The following AGK variants were observed in gnomAD, a reference collection of about 807,000 sequenced individuals.
AGK encodes the protein acylglycerol kinase.
In AGK, 52 loss-of-function variants were observed where a neutral mutation model predicts 66.4. That is an observed-to-expected ratio of 0.78 (90% CI 0.63 to 0.99). AGK has a LOEUF of 0.99. AGK is among the 50% of genes least tolerant of loss of function. The pLI, the probability that AGK is intolerant of heterozygous loss-of-function variation, is 0.00. For missense variants in AGK, 451 were observed against 506.6 expected, an observed-to-expected ratio of 0.89 and a Z score of 1.05; for synonymous variants, 182 against 181.1, an observed-to-expected ratio of 1.00 and a Z score of -0.04.
rs1797314529 is a variant in AGK at position 141,642,596 on chromosome 7, A to G, written c.975+688A>G. On this transcript the variant is annotated intron_variant, in intron 13 of 15. Transcript: ENST00000649286. ...GGTGCTACTATAGACAACACACCCA[A>G]AAGTATTGAAATAAAGCAGGCATTG... 2.6e-5 allele frequency among the ~76,000 whole-genome samples: 4 copies of G among 152,284 alleles called. No individual in the cohort carries two copies. The South Asian group carries it at 8.3e-4, about 32-fold the overall frequency.
intron 2 of AGK, among the ~76,000 whole-genome samples, chr7:141,573,347 G>T (rs1795655173): frequency 6.6e-6 from 1 of 151,864 alleles, no homozygotes. Flanking sequence ...CCAGAAAGCA[G>T]ATTTCTTCTT....
chr7:141,621,728 T>G lies in AGK; in HGVS notation c.519-4T>G, dbSNP rs1796829611. ...TAATATGATCATTTCCTTTTCTCTTTTAGACATATTACTGATGCCACACTT... is the reference window on the plus strand; with the variant it reads ...TAATATGATCATTTCCTTTTCTCTTGTAGACATATTACTGATGCCACACTT... On this transcript the variant is annotated splice_region_variant and splice_polypyrimidine_tract_variant and intron_variant, in intron 8 of 15. Transcript: ENST00000649286. 2 of 1,609,814 alleles carry G rather than the reference T, an allele frequency of 1.2e-6. No individual in the cohort carries two copies. The highest frequency in any genetic ancestry group is 1.7e-6 in the Non-Finnish European group (2 of 1,176,580).
intron 2 of AGK, among the ~76,000 whole-genome samples, chr7:141,592,474 G>A (rs1796142029): frequency 1.3e-5 from 2 of 152,162 alleles, no homozygotes; most frequent in African/African-American, 4.8e-5. Context: ...CATCTTGGAT[G>A]ATCCAGGACG....
rs1797115367 is a variant in AGK, at chr7:141,633,973, G to A, written c.661G>A (p.Val221Ile). ...ATCTTTCAGAGATGCTGGCGTCAAA[G>A]TTAGCAAGTAAAGGATTACTATATT... ...WGSFRDAGVK[V>I]SKYWYLGPLK... is the part of the protein sequence containing the mutation. Residue 221 changes from valine to isoleucine, a missense_variant, in exon 10 of 16, where the codon GTT (valine) becomes ATT (isoleucine). Physicochemically the swap from Val to Ile is conservative, Grantham distance 29. Coordinates refer to ENST00000649286, the MANE Select transcript of AGK (RefSeq NM_018238.4). The A allele has an allele frequency of 2.5e-6, 4 of 1,613,538 alleles. No individual in the cohort carries two copies. In the East Asian group the frequency reaches 8.9e-5, roughly 36 times the overall value.
In AGK at chr7:141,606,723, G is replaced by T. The variant is rs149328375; in HGVS notation, c.298-4472G>T. On this transcript the variant is annotated intron_variant, in intron 5 of 15. Coordinates refer to ENST00000649286, the MANE Select transcript of AGK (RefSeq NM_018238.4). The stretch of plus-strand genomic sequence containing the variant: ...CATAGTTTTCATTTGCATTTGTGTT[G>T]CACAGTTCTATGGGTTTTGACAAAT... Among the ~76,000 whole-genome samples, 669 of 152,160 alleles carry T rather than the reference G, an allele frequency of 4.4e-3. 5 individuals carry two copies. The highest frequency in any genetic ancestry group is 0.015 in the African/African-American group (642 of 41,506).
intron 2 of AGK, among the ~76,000 whole-genome samples, chr7:141,588,423 G>A (rs1400830728): frequency 2.0e-5 from 3 of 152,038 alleles, no homozygotes; most frequent in East Asian, 1.9e-4. Flanking sequence ...TCAGGAGTTC[G>A]GTTCAAGATC....
At chr7:141,604,368 G>GTA (rs1796404880) in intron 5 of AGK, among the ~76,000 whole-genome samples, 1 of 80,454 alleles carries the variant, frequency 1.2e-5, no homozygotes, top group Admixed American at 1.5e-4. Flanking sequence ...GAATGTGTGT[G>GTA]TGTGTGTATA....
In AGK at chr7:141,633,850, G is replaced by GTTCT. The variant is rs775500373; in HGVS notation, c.589-50_589-47dup. ...TTTGCTGAGTACTTAGATGTAAAGA[G>GTTCT]TTCTGAGTGATTATAGTCATGAATT... On this transcript the variant is annotated intron_variant, in intron 9 of 15. Transcript: ENST00000649286. 1.9e-5 allele frequency: 29 copies of GTTCT among 1,495,302 alleles called. No homozygotes were observed. The African/African-American group carries it at 2.2e-4, about 11-fold the overall frequency. The allele number at this position is 1,495,302 out of a possible 1,614,324, so 92.6% of individuals were successfully genotyped here.
intron 13 of AGK, 64 bp downstream of exon 13, chr7:141,641,972 C>T: frequency 7.8e-7 from 1 of 1,288,404 alleles, no homozygotes; most frequent in South Asian, 1.3e-5. Context: ...AGCTATAGTC[C>T]TCTCCCACTA....
At chr7:141,560,115 A>G (rs1017996432) in intron 2 of AGK, among the ~76,000 whole-genome samples, 2 of 152,088 alleles carry the variant, frequency 1.3e-5, no homozygotes, top group South Asian at 2.1e-4. Flanking sequence ...TTCCTGTGCT[A>G]TGTTGAGTAG....
At chr7:141,570,735 A>G (rs1301135993) in intron 2 of AGK, among the ~76,000 whole-genome samples, 3 of 152,126 alleles carry the variant, frequency 2.0e-5, no homozygotes, top group Non-Finnish European at 4.4e-5. Context: ...GACCTAAAAA[A>G]AAATCACACT....
At chr7:141,568,783 C>T (rs1009388722) in intron 2 of AGK, among the ~76,000 whole-genome samples, 2 of 151,912 alleles carry the variant, frequency 1.3e-5, no homozygotes, top group African/African-American at 4.8e-5. Context: ...ACCATGTTGG[C>T]CAGGCTGGTC....
chr7:141,616,819 C>T lies in AGK; in HGVS notation c.518+1254C>T, dbSNP rs368983632. ...TGTAGCCCAGGCTGGAGTGCAGTGG[C>T]GCGAACTCGGCTCACTGCAAGCTCC... is the stretch of plus-strand genomic sequence containing the variant. On this transcript the variant is annotated intron_variant, in intron 8 of 15. Transcript: ENST00000649286. Among the ~76,000 whole-genome samples, 34 of 148,342 alleles carry T rather than the reference C, an allele frequency of 2.3e-4. No homozygotes were observed. The East Asian group carries it at 3.8e-3, about 16-fold the overall frequency.
chr7:141,592,047 A>G (rs1041487241), intron 2 of AGK, among the ~76,000 whole-genome samples: 9 of 152,382 alleles, frequency 5.9e-5, no homozygotes, highest in African/African-American at 2.2e-4. Context: ...CAGTAGCAGA[A>G]GAAACTTAAT....
At chr7:141,623,910 C>T (rs1796880739) in intron 9 of AGK, among the ~76,000 whole-genome samples, 1 of 152,044 alleles carries the variant, frequency 6.6e-6, no homozygotes, top group Admixed American at 6.5e-5. Flanking sequence ...AGCCAATGCT[C>T]ATCTACCATT....
At chr7:141,604,655 C>G (rs919053660) in intron 5 of AGK, among the ~76,000 whole-genome samples, 3 of 143,466 alleles carry the variant, frequency 2.1e-5, no homozygotes, top group Admixed American at 7.1e-5. Flanking sequence ...ATGATCTCAT[C>G]TCACTGCACC....
intron 2 of AGK, among the ~76,000 whole-genome samples, chr7:141,592,363 G>A (rs1796139873): frequency 6.6e-6 from 1 of 152,138 alleles, no homozygotes; most frequent in African/African-American, 2.4e-5. Context: ...CTTCGCAGCT[G>A]GCAAAGTTGC....
intron 11 of AGK, among the ~76,000 whole-genome samples, chr7:141,640,138 C>A (rs1465562958): frequency 6.6e-6 from 1 of 152,114 alleles, no homozygotes; most frequent in Non-Finnish European, 1.5e-5. Context: ...AGGAACTAGG[C>A]AGATGAAGAT....
chr7:141,652,445 G>T (rs1797584994), intron 15 of AGK: 1 of 188,014 alleles, frequency 5.3e-6, no homozygotes, highest in Non-Finnish European at 1.1e-5. Flanking sequence ...GAAAGACTAT[G>T]TATATGAGTT....
Sources: allele counts gnomAD v4.1 joint callset (sites outside exome capture counted in the v4.1 genomes callset), GRCh38; gene constraint gnomAD v4.1.1; transcripts MANE v1.5; gene names NCBI Gene and HGNC (gene_info 2026-07-23, HGNC 2026-07-21).